Variants in TMPRSS12 observed in about 807,000 individuals in gnomAD.
The protein encoded by TMPRSS12 is transmembrane protease serine 12.
TMPRSS12 carries 25 observed loss-of-function variants against 26.0 expected under a neutral mutation model. That is an observed-to-expected ratio of 0.96 (90% CI 0.70 to 1.34). The LOEUF (loss-of-function observed/expected upper bound fraction) is 1.34, where lower values mean the gene tolerates loss of function less well. Ranked by LOEUF, TMPRSS12 falls within the 40% of genes most tolerant of loss-of-function variation. The pLI, the probability that TMPRSS12 is intolerant of heterozygous loss-of-function variation, is 0.00. For missense variants in TMPRSS12, 441 were observed against 440.1 expected (o/e 1.00, Z -0.02); for synonymous variants, 150 against 161.7 (o/e 0.93, Z 0.55).
Position 50,850,078 on chromosome 12 carries a change from T to TA in TMPRSS12, c.383+6042dup, listed in dbSNP as rs1218056395. 7.9e-5 allele frequency among the ~76,000 whole-genome samples: 12 copies of TA among 152,216 alleles called. 1 individual carries two copies. The highest frequency in any genetic ancestry group is 1.5e-5 in the Non-Finnish European group (1 of 68,040). ...TCCATGTTATTATGTGTGTCACTACTATTTGTTTTTATTGCTGAACAGTAT... is the reference window on the plus strand; with the variant it reads ...TCCATGTTATTATGTGTGTCACTACTAATTTGTTTTTATTGCTGAACAGTAT... On this transcript the variant is annotated intron_variant, in intron 2 of 4. Transcript: ENST00000398458.
chr12:50,852,075 T>C (rs1296997772), intron 2 of TMPRSS12, among the ~76,000 whole-genome samples: 2 of 152,140 alleles, frequency 1.3e-5, no homozygotes, highest in Non-Finnish European at 2.9e-5. Flanking sequence ...TGAAAGACCA[T>C]TACCAGCCAC....
At chr12:50,859,219 C>CTT (rs34544871) in intron 3 of TMPRSS12, among the ~76,000 whole-genome samples, 166 bp downstream of exon 3, 34,810 of 144,732 alleles carry the variant, frequency 0.24, 5,141 homozygotes, top group Non-Finnish European at 0.34. Context: ...TTTATGGTAC[C>CTT]TTTTTTTTTT....
chr12:50,874,618 C>T (rs1317043940), intron 3 of TMPRSS12, among the ~76,000 whole-genome samples: 1 of 152,040 alleles, frequency 6.6e-6, no homozygotes, highest in Non-Finnish European at 1.5e-5. Context: ...GAAAAGCAGC[C>T]AAACTATCTG....
intron 2 of TMPRSS12, among the ~76,000 whole-genome samples, chr12:50,857,816 T>C (rs1289252315): frequency 1.5e-5 from 1 of 64,856 alleles, no homozygotes; most frequent in East Asian, 4.3e-4. Context: ...GTCGTTGTTG[T>C]CGTTGTTGTT....
At chr12:50,882,401 A>G (rs1938184571) in intron 3 of TMPRSS12, among the ~76,000 whole-genome samples, 1 of 151,762 alleles carries the variant, frequency 6.6e-6, no homozygotes, top group South Asian at 2.1e-4. Context: ...TTCTAAACCC[A>G]TAGAAAGCAG....
At chr12:50,847,204 G>GC (rs905766097) in intron 2 of TMPRSS12, among the ~76,000 whole-genome samples, 7 of 151,888 alleles carry the variant, frequency 4.6e-5, no homozygotes, top group East Asian at 2.0e-4. Flanking sequence ...GACTACAGGC[G>GC]CCCCCCACCA....
Position 50,885,556 on chromosome 12 carries a change from A to T in TMPRSS12, c.795+168A>T, listed in dbSNP as rs749023142. The T allele has an allele frequency of 2.3e-5, 19 of 842,192 alleles. No individual in the cohort carries two copies. The Middle Eastern group carries it at 2.5e-3, about 111-fold the overall frequency. 52.2% of individuals were successfully genotyped at this position (842,192 alleles called of 1,614,324 possible). A position where few individuals can be genotyped will look rare whatever the true frequency, so the allele number is the denominator to read the frequency against. On this transcript the variant is annotated intron_variant, in intron 4 of 4. Coordinates refer to ENST00000398458, the MANE Select transcript of TMPRSS12 (RefSeq NM_182559.3). ...ACAATCCAAATCTTCTTGGTTCCTG[A>T]TTCCATGGTTTCTGCTGTCATCAGT...
chr12:50,873,920 T>G (rs1476274245), intron 3 of TMPRSS12, among the ~76,000 whole-genome samples: 1 of 152,174 alleles, frequency 6.6e-6, no homozygotes, highest in East Asian at 1.9e-4. Flanking sequence ...CCCTGTATTA[T>G]TCAGGAGAAG....
chr12:50,868,370 T>TTTAATGCAATTAAA (rs1236048820), intron 3 of TMPRSS12, among the ~76,000 whole-genome samples: 1 of 152,146 alleles, frequency 6.6e-6, no homozygotes, highest in African/African-American at 2.4e-5. Context: ...CAAAACAAAC[T>TTTAATGCAATTAAA]TTAATGCAAT....
At chr12:50,859,681 A>G (rs1015052362) in intron 3 of TMPRSS12, among the ~76,000 whole-genome samples, 1 of 152,162 alleles carries the variant, frequency 6.6e-6, no homozygotes, top group Non-Finnish European at 1.5e-5. Flanking sequence ...CTGTGTTTAG[A>G]TATACAAATG....
intron 3 of TMPRSS12, among the ~76,000 whole-genome samples, chr12:50,867,279 T>C (rs929834010): frequency 5.9e-5 from 9 of 152,028 alleles, no homozygotes; most frequent in Admixed American, 6.5e-5. Context: ...ATAGATAGCA[T>C]CAAGAAAAAA....
chr12:50,867,503 T>C (rs964043704), intron 3 of TMPRSS12, among the ~76,000 whole-genome samples: 1 of 152,164 alleles, frequency 6.6e-6, no homozygotes, highest in Non-Finnish European at 1.5e-5. Flanking sequence ...CTAAGAATAA[T>C]TGGTGTTCCT....
At chr12:50,887,232 A>T in intron 4 of TMPRSS12, 30 bp from the exon 5 acceptor site, 1 of 1,604,044 alleles carries the variant, frequency 6.2e-7, no homozygotes, top group Non-Finnish European at 8.5e-7. Flanking sequence ...ACTAGAAGTA[A>T]CAAACACTAT....
chr12:50,882,360 C>A (rs559494320), intron 3 of TMPRSS12, among the ~76,000 whole-genome samples: 12 of 141,974 alleles, frequency 8.5e-5, no homozygotes, highest in South Asian at 6.9e-4. Flanking sequence ...GTCTCAGCTA[C>A]TATGGAGGGA....
At chr12:50,854,569 C>G (rs1365008817) in intron 2 of TMPRSS12, among the ~76,000 whole-genome samples, 1 of 152,122 alleles carries the variant, frequency 6.6e-6, no homozygotes, top group African/African-American at 2.4e-5. Context: ...CCTATAGTCT[C>G]TGGCCAAAGG....
intron 2 of TMPRSS12, among the ~76,000 whole-genome samples, chr12:50,845,016 G>C (rs575147617): frequency 6.6e-6 from 1 of 152,218 alleles, no homozygotes; most frequent in South Asian, 2.1e-4. Context: ...GCGAGACCCT[G>C]TCTCTATATT....
At chr12:50,885,185 C>G (rs570503812) in intron 3 of TMPRSS12, 61 bp from the exon 4 acceptor site, 2 of 1,460,956 alleles carry the variant, frequency 1.4e-6, no homozygotes, top group African/African-American at 2.8e-5. Context: ...AAAACACTAA[C>G]ATTTAAATCA....
At chr12:50,879,651 A>G (rs1467374539) in intron 3 of TMPRSS12, among the ~76,000 whole-genome samples, 1 of 152,232 alleles carries the variant, frequency 6.6e-6, no homozygotes, top group African/African-American at 2.4e-5. Context: ...AATTGTTATC[A>G]TTAACGAGAA....
chr12:50,872,085 T>C (rs559669142), intron 3 of TMPRSS12, among the ~76,000 whole-genome samples: 40 of 152,282 alleles, frequency 2.6e-4, no homozygotes, highest in Non-Finnish European at 5.0e-4. Context: ...GCAATCCCAC[T>C]ACTGGGTATC....
Sources: gnomAD v4.1 joint callset for allele counts (sites outside exome capture counted in the v4.1 genomes callset) on GRCh38, gnomAD v4.1.1 for gene constraint, MANE v1.5 for transcripts, NCBI Gene and HGNC (gene_info 2026-07-23, HGNC 2026-07-21) for gene names.